The following ENKUR variants were observed in gnomAD, a reference collection of about 807,000 sequenced individuals.
ENKUR encodes enkurin, TRPC channel interacting protein, also known as enkurin.
Under a neutral mutation model 27.6 loss-of-function variants are expected in ENKUR, and 19 were observed. The ratio of observed to expected loss-of-function variants is 0.69; its 90% CI spans 0.48 to 1.01. ENKUR has a LOEUF of 1.01. Among genes scored for constraint, ENKUR ranks in the 50% least tolerant of loss-of-function variants. The pLI is 0.00. For missense variants in ENKUR, 312 were observed against 310.5 expected (o/e 1.00, Z -0.04); for synonymous variants, 117 against 96.9 (o/e 1.21, Z -1.22).
chr10:25,017,106 T>C (rs1170991429), upstream of ENKUR, among the ~76,000 whole-genome samples: 1 of 152,218 alleles, frequency 6.6e-6, no homozygotes, highest in East Asian at 1.9e-4. Flanking sequence ...GGACTCTTCC[T>C]CTAGGTCGTT....
intron 1 of ENKUR, among the ~76,000 whole-genome samples, chr10:25,061,972 C>T (rs1851334051): frequency 6.6e-6 from 1 of 152,194 alleles, no homozygotes; most frequent in African/African-American, 2.4e-5. Context: ...GTGCAACTGG[C>T]TGAGACTCTT....
chr10:25,020,499 G>C (rs1850698343), upstream of ENKUR, among the ~76,000 whole-genome samples: 1 of 152,126 alleles, frequency 6.6e-6, no homozygotes, highest in South Asian at 2.1e-4. Flanking sequence ...CAGTATGGTG[G>C]TTCATGCCTC....
chr10:25,059,421 T>G (rs1315692894), intron 2 of ENKUR, among the ~76,000 whole-genome samples: 1 of 152,178 alleles, frequency 6.6e-6, no homozygotes, highest in African/African-American at 2.4e-5. Context: ...CGTGAGCCAC[T>G]GCACCCAGCC....
At position 24,994,491 on chromosome 10, in the gene ENKUR, G is replaced by A. The variant is rs199528244; in HGVS notation, c.447+1155C>T. On this transcript the variant is annotated intron_variant, in intron 3 of 5. Coordinates refer to ENST00000331161, the MANE Select transcript of ENKUR (RefSeq NM_145010.4). Reference sequence around the variant, plus strand: ...TGGGATTACAGGCACACACCACCACGCCTGGCTAATTTTTGTATTTTTAGT... The same window carrying A: ...TGGGATTACAGGCACACACCACCACACCTGGCTAATTTTTGTATTTTTAGT... 2.4e-4 allele frequency among the ~76,000 whole-genome samples: 37 copies of A among 151,548 alleles called. No individual in the cohort carries two copies. In the East Asian group the frequency reaches 6.7e-3, roughly 27 times the overall value.
At chr10:24,985,900 G>A (rs546909061) in intron 4 of ENKUR, among the ~76,000 whole-genome samples, 10 of 152,052 alleles carry the variant, frequency 6.6e-5, no homozygotes, top group East Asian at 3.9e-4. Flanking sequence ...AAACCCTGTC[G>A]CTACAAAAAA....
At chr10:25,032,626 G>A (rs997150118) in intron 2 of ENKUR, among the ~76,000 whole-genome samples, 14 of 152,236 alleles carry the variant, frequency 9.2e-5, no homozygotes, top group Admixed American at 2.6e-4. Flanking sequence ...TCTAATTCTT[G>A]AACTATTTTA....
chr10:25,039,085 T>G (rs2130467931), intron 2 of ENKUR, among the ~76,000 whole-genome samples: 1 of 152,362 alleles, frequency 6.6e-6, no homozygotes, highest in South Asian at 2.1e-4. Flanking sequence ...ACTGTGGATT[T>G]TCAAATATAC....
At chr10:25,025,333 C>T (rs1850827841) in intron 2 of ENKUR, 1 of 1,614,064 alleles carries the variant, frequency 6.2e-7, no homozygotes, top group Non-Finnish European at 8.5e-7. Flanking sequence ...ATTACCTCCA[C>T]TGCATGAGGC....
intron 1 of ENKUR, among the ~76,000 whole-genome samples, chr10:25,015,440 A>T (rs1237356892): frequency 6.6e-6 from 1 of 152,220 alleles, no homozygotes; most frequent in African/African-American, 2.4e-5. Context: ...ATCCTATCCC[A>T]TTAGAGAGGG....
chr10:25,052,948 T>C (rs989525470), intron 2 of ENKUR, among the ~76,000 whole-genome samples: 2 of 152,082 alleles, frequency 1.3e-5, no homozygotes, highest in East Asian at 1.9e-4. Flanking sequence ...TTTGTATTTT[T>C]ACTAGAGACA....
At chr10:25,054,558 TTC>T (rs1564358785) in intron 2 of ENKUR, among the ~76,000 whole-genome samples, 1 of 151,366 alleles carries the variant, frequency 6.6e-6, no homozygotes, top group Non-Finnish European at 1.5e-5. Context: ...CTTTCTTTCT[TTC>T]TTTCTTCCTT....
chr10:25,028,676 A>G, intron 2 of ENKUR, among the ~76,000 whole-genome samples: 1 of 152,166 alleles, frequency 6.6e-6, no homozygotes, highest in East Asian at 1.9e-4. Context: ...ATCTACATAC[A>G]TGGTCTCCAC....
chr10:25,002,647 A>G lies in ENKUR; in HGVS notation c.78-3101T>C, dbSNP rs184669793. 9.7e-4 allele frequency among the ~76,000 whole-genome samples: 148 copies of G among 152,250 alleles called. 2 individuals carry two copies. The South Asian group carries it at 0.013, about 13-fold the overall frequency. ...GAAGATAAATCCCATTTTTGGTTGA[A>G]AGCAGTTCAGCTATACCGCTTTTGT... On this transcript the variant is annotated intron_variant, in intron 1 of 5. Coordinates refer to ENST00000331161, the MANE Select transcript of ENKUR (RefSeq NM_145010.4).
intron 2 of ENKUR, among the ~76,000 whole-genome samples, chr10:25,032,071 A>G (rs1359720689): frequency 6.6e-6 from 1 of 152,076 alleles, no homozygotes; most frequent in African/African-American, 2.4e-5. Context: ...TGTCTTTCCT[A>G]TTGAGACATT....
chr10:25,014,485 C>T (rs896752985), intron 1 of ENKUR, among the ~76,000 whole-genome samples: 3 of 151,696 alleles, frequency 2.0e-5, no homozygotes, highest in Admixed American at 2.0e-4. Flanking sequence ...TTAATGCTTG[C>T]CAAATGAATA....
At chr10:25,015,710 C>A in intron 1 of ENKUR, 150 bp downstream of exon 1, 1 of 695,870 alleles carries the variant, frequency 1.4e-6, no homozygotes, top group Non-Finnish European at 2.1e-6. Context: ...ATATTTCGAC[C>A]TTTTCTCTAA....
chr10:25,017,593 T>G (rs1020937042), upstream of ENKUR, among the ~76,000 whole-genome samples: 6 of 149,812 alleles, frequency 4.0e-5, no homozygotes, highest in African/African-American at 1.5e-4. Flanking sequence ...TTACTGAATT[T>G]CACTACATAA....
At chr10:25,061,146 C>T (rs1851321756) in exon 2 of ENKUR, 1 of 1,535,974 alleles carries the variant, frequency 6.5e-7, no homozygotes, top group South Asian at 1.2e-5. Flanking sequence ...GCTCTGTCTT[C>T]ATGCTCCGTG....
intron 2 of ENKUR, chr10:25,024,167 A>C (rs1036998726): frequency 6.2e-7 from 1 of 1,614,082 alleles, no homozygotes; most frequent in Non-Finnish European, 8.5e-7. Context: ...GAAATGATTG[A>C]AACTGCTTAT....
Sources: allele counts gnomAD v4.1 joint callset (sites outside exome capture counted in the v4.1 genomes callset), GRCh38; gene constraint gnomAD v4.1.1; transcripts MANE v1.5; gene names NCBI Gene and HGNC (gene_info 2026-07-23, HGNC 2026-07-21).